Variants in AIG1 observed in about 807,000 individuals in gnomAD.
The protein encoded by AIG1 is androgen-induced gene 1 protein.
AIG1 carries 23 observed loss-of-function variants against 31.4 expected under a neutral mutation model. The ratio of observed to expected loss-of-function variants is 0.73; its 90% CI spans 0.53 to 1.04. AIG1 has a LOEUF of 1.04. Ranked by LOEUF, AIG1 falls within the 50% of genes least tolerant of loss-of-function variation. The pLI, the probability that AIG1 is intolerant of heterozygous loss-of-function variation, is 0.00. For missense variants in AIG1, 274 were observed against 295.0 expected (o/e 0.93, Z 0.52); for synonymous variants, 100 against 110.5 (o/e 0.90, Z 0.60).
At chr6:143,282,028 T>G (rs563184260) in intron 3 of AIG1, among the ~76,000 whole-genome samples, 19 of 152,364 alleles carry the variant, frequency 1.2e-4, no homozygotes, top group African/African-American at 4.3e-4. Context: ...ATACATCTGA[T>G]CATCAGCAAG....
At chr6:143,201,980 C>T (rs905413162) in intron 3 of AIG1, among the ~76,000 whole-genome samples, 2 of 152,154 alleles carry the variant, frequency 1.3e-5, no homozygotes, top group African/African-American at 4.8e-5. Flanking sequence ...TTGTGCCAGA[C>T]ACTGCCCTAA....
In AIG1 at chr6:143,183,316, C is replaced by T. The variant is rs560613777; in HGVS notation, c.399+18133C>T. 1.8e-3 allele frequency among the ~76,000 whole-genome samples: 271 copies of T among 152,208 alleles called. 2 individuals carry two copies. The highest frequency in any genetic ancestry group is 6.2e-3 in the African/African-American group (256 of 41,528). Reference sequence around the variant, plus strand: ...GTTCAAGTGATTCCCCTGCCTCAGCCTCCCAAGTAGCTGGGATTACAGGCA... The same window carrying T: ...GTTCAAGTGATTCCCCTGCCTCAGCTTCCCAAGTAGCTGGGATTACAGGCA... On this transcript the variant is annotated intron_variant, in intron 3 of 5. Coordinates refer to ENST00000357847, the MANE Select transcript of AIG1 (RefSeq NM_016108.4).
rs148406308 is a variant in AIG1 at position 143,252,231 on chromosome 6, C to T, written c.400-31879C>T. ...ACCTCCCATGTTCAAGCGATTCTCC[C>T]GCCTCAGTCTCCCGAGTAGCTGGGA... On this transcript the variant is annotated intron_variant, in intron 3 of 5. Coordinates refer to ENST00000357847, the MANE Select transcript of AIG1 (RefSeq NM_016108.4). 8.6e-3 allele frequency among the ~76,000 whole-genome samples: 1,309 copies of T among 152,242 alleles called. 9 individuals carry two copies. The highest frequency in any genetic ancestry group is 0.034 in the Middle Eastern group (10 of 294).
At chr6:143,307,272 GCT>G (rs1370142939) in intron 4 of AIG1, among the ~76,000 whole-genome samples, 10 of 152,272 alleles carry the variant, frequency 6.6e-5, no homozygotes, top group South Asian at 2.1e-4. Context: ...AGGAGGAGAG[GCT>G]CTCTGCTTTT....
In AIG1 at chr6:143,333,555, G is replaced by T; in HGVS notation, c.679+110G>T. ...GCCTCTTCTTTTAGCCTTCACACAG[G>T]ATCTCCTATAAAGAGCTCCATTTTT... On this transcript the variant is annotated intron_variant, in intron 5 of 5. Transcript: ENST00000357847. The surrounding 1 kb of genome is among the most constrained non-coding windows in gnomAD (Gnocchi z 4.6). The T allele has an allele frequency of 8.7e-7, 1 of 1,149,506 alleles. No homozygotes were observed. Among genetic ancestry groups the T allele is most frequent in the South Asian group, 1.6e-5 (1 of 61,766 alleles). 71.2% of individuals were successfully genotyped at this position (1,149,506 alleles called of 1,614,324 possible).
intron 2 of AIG1, among the ~76,000 whole-genome samples, chr6:143,138,242 G>A (rs9373375): frequency 0.028 from 4,241 of 152,246 alleles, 155 homozygotes; most frequent in African/African-American, 0.079. Flanking sequence ...AAATCTCTCA[G>A]ATTCCATTGT....
In AIG1 at chr6:143,235,868, T is replaced by A. The variant is rs1282900529; in HGVS notation, c.400-48242T>A. ...GATAATAAACTGGAGGAAATCCTGT[T>A]TTTTCCAATTCTTCTCTTCAAAGAT... On this transcript the variant is annotated intron_variant, in intron 3 of 5. Transcript: ENST00000357847. 2.6e-5 allele frequency among the ~76,000 whole-genome samples: 4 copies of A among 152,274 alleles called. No homozygotes were observed. The East Asian group carries it at 7.7e-4, about 29-fold the overall frequency.
At chr6:143,281,672 G>A (rs1329871534) in intron 3 of AIG1, among the ~76,000 whole-genome samples, 1 of 152,152 alleles carries the variant, frequency 6.6e-6, no homozygotes, top group East Asian at 1.9e-4. Context: ...TTTGCAGTAG[G>A]TATTTTCTGC....
intron 4 of AIG1, among the ~76,000 whole-genome samples, chr6:143,315,330 A>C (rs1031420383): frequency 6.6e-6 from 1 of 152,094 alleles, no homozygotes; most frequent in Admixed American, 6.6e-5. Flanking sequence ...CTGATTCTAA[A>C]GTTTATATTG....
intron 3 of AIG1, among the ~76,000 whole-genome samples, chr6:143,259,813 T>C (rs770457549): frequency 1.4e-4 from 22 of 152,278 alleles, no homozygotes; most frequent in Non-Finnish European, 1.0e-4. Flanking sequence ...TAGGGAGCAC[T>C]AGGAGAGCAG....
intron 4 of AIG1, among the ~76,000 whole-genome samples, chr6:143,324,385 T>C (rs1776444052): frequency 6.6e-6 from 1 of 152,246 alleles, no homozygotes; most frequent in Non-Finnish European, 1.5e-5. Context: ...ATAATGAGCA[T>C]GAATTACTTT....
intron 4 of AIG1, among the ~76,000 whole-genome samples, chr6:143,315,831 A>C (rs559719670): frequency 6.6e-6 from 1 of 152,222 alleles, no homozygotes; most frequent in African/African-American, 2.4e-5. Context: ...AAGGTTACAT[A>C]ATCATAATAA....
At chr6:143,064,201 A>T (rs1776494644) in intron 1 of AIG1, among the ~76,000 whole-genome samples, 1 of 152,234 alleles carries the variant, frequency 6.6e-6, no homozygotes, top group Admixed American at 6.5e-5. Flanking sequence ...TTGCAAATCA[A>T]TTGACCTTAA....
At chr6:143,065,038 A>C (rs1352151480) in intron 1 of AIG1, among the ~76,000 whole-genome samples, 3 of 152,244 alleles carry the variant, frequency 2.0e-5, no homozygotes. Flanking sequence ...GGAGATCATA[A>C]GACTTATTGT....
intron 1 of AIG1, among the ~76,000 whole-genome samples, chr6:143,112,592 C>A (rs1474612756): frequency 6.6e-6 from 1 of 152,142 alleles, no homozygotes; most frequent in Non-Finnish European, 1.5e-5. Context: ...AGTTACCGTG[C>A]AGTTTGACAA....
At chr6:143,140,745 G>T (rs1187340461) in intron 2 of AIG1, among the ~76,000 whole-genome samples, 2 of 152,206 alleles carry the variant, frequency 1.3e-5, no homozygotes, top group Non-Finnish European at 2.9e-5. Context: ...GCATAAAAAT[G>T]CTTATCATGT....
At position 143,331,129 on chromosome 6, in the gene AIG1, A is replaced by C. The variant is rs1583895310; in HGVS notation, c.516-2153A>C. 2.0e-5 allele frequency among the ~76,000 whole-genome samples: 3 copies of C among 150,732 alleles called. No homozygotes were observed. The highest frequency in any genetic ancestry group is 4.2e-4 in the South Asian group (2 of 4,788). On this transcript the variant is annotated intron_variant, in intron 4 of 5. Coordinates refer to ENST00000357847, the MANE Select transcript of AIG1 (RefSeq NM_016108.4). This position sits in a 1 kb window ranked among gnomAD's most constrained non-coding sequence, Gnocchi z 4.1. ...CATTACTACTTCCCTCTACCAAGGAACCTTTGTAGACCTGTTTTTTTTTTC... is the reference window on the plus strand; with the variant it reads ...CATTACTACTTCCCTCTACCAAGGACCCTTTGTAGACCTGTTTTTTTTTTC...
intron 3 of AIG1, among the ~76,000 whole-genome samples, chr6:143,199,620 A>G (rs932846165): frequency 7.9e-5 from 12 of 152,292 alleles, no homozygotes; most frequent in East Asian, 3.9e-4. Flanking sequence ...TTTATTCTGC[A>G]TGCATATACC....
rs1310984765 is a variant in AIG1, at chr6:143,280,304, G to A, written c.400-3806G>A. On this transcript the variant is annotated intron_variant, in intron 3 of 5. Coordinates refer to ENST00000357847, the MANE Select transcript of AIG1 (RefSeq NM_016108.4). This position sits in a 1 kb window ranked among gnomAD's most constrained non-coding sequence, Gnocchi z 4.1. ...AGTGTAATTCAACCCATTGTTGAAG[G>A]CAATATGACGATTCCTCAAAGAGCT... Among the ~76,000 whole-genome samples, 1 of 152,178 alleles carries A rather than the reference G, an allele frequency of 6.6e-6. No individual in the cohort carries two copies. Among genetic ancestry groups the A allele is most frequent in the Non-Finnish European group, 1.5e-5 (1 of 68,030 alleles).
Sources: gnomAD v4.1 joint callset for allele counts (sites outside exome capture counted in the v4.1 genomes callset) on GRCh38, gnomAD v4.1.1 for gene constraint, Gnocchi (gnomAD v3.1) non-coding constraint, MANE v1.5 for transcripts, NCBI Gene and HGNC (gene_info 2026-07-23, HGNC 2026-07-21) for gene names.